ATP6V1C1: variants seen among roughly 807,000 people sequenced by gnomAD.
The protein encoded by ATP6V1C1 is ATPase H+ transporting V1 subunit C1.
In ATP6V1C1, 45 loss-of-function variants were observed where a neutral mutation model predicts 53.9. The observed-to-expected ratio is 0.83, with a 90% confidence interval of 0.66 to 1.07. The LOEUF (loss-of-function observed/expected upper bound fraction) is 1.07. Among genes scored for constraint, ATP6V1C1 ranks in the 50% least tolerant of loss-of-function variants. ATP6V1C1 has a pLI of 0.00. For synonymous variants in ATP6V1C1, 153 were observed against 155.2 expected, an observed-to-expected ratio of 0.99 and a Z score of 0.11; for missense variants, 315 against 440.3, an observed-to-expected ratio of 0.72 and a Z score of 2.55.
intron 1 of ATP6V1C1, among the ~76,000 whole-genome samples, chr8:103,039,967 G>T (rs1029285707): frequency 1.3e-5 from 2 of 151,942 alleles, no homozygotes; most frequent in Non-Finnish European, 2.9e-5. Context: ...GATTTGAGGA[G>T]ATTTCTCTAG....
chr8:103,027,499 C>T (rs1323377501), intron 1 of ATP6V1C1, among the ~76,000 whole-genome samples: 2 of 152,168 alleles, frequency 1.3e-5, no homozygotes, highest in Non-Finnish European at 2.9e-5. Context: ...AACCCCCCCT[C>T]ACCTTTTATG....
rs1817575519 is a variant in ATP6V1C1 at position 103,070,861 on chromosome 8, C to T, written c.*2114C>T. ...TCCTGGGCAGAGTGGTCTCCGAGTT[C>T]CAGTCCCTCCTCTGTAAAATGGGCA... On this transcript the variant is annotated 3_prime_UTR_variant, in exon 13 of 13. Coordinates refer to ENST00000518738, the MANE Select transcript of ATP6V1C1 (RefSeq NM_001695.5). 6.6e-6 allele frequency: 1 copy of T among 152,262 alleles called. No individual in the cohort carries two copies. Among genetic ancestry groups the T allele is most frequent in the Non-Finnish European group, 1.5e-5 (1 of 68,088 alleles). 9.4% of individuals were successfully genotyped at this position (152,262 alleles called of 1,614,324 possible). A position where few individuals can be genotyped will look rare whatever the true frequency, so the allele number is the denominator to read the frequency against.
intron 1 of ATP6V1C1, among the ~76,000 whole-genome samples, chr8:103,029,789 G>A (rs1816764503): frequency 6.6e-6 from 1 of 151,712 alleles, no homozygotes; most frequent in African/African-American, 2.4e-5. Context: ...CTGGAGTGCA[G>A]TGGCACAATC....
At chr8:103,060,519 G>C (rs747810295) in intron 8 of ATP6V1C1, among the ~76,000 whole-genome samples, 2 of 152,116 alleles carry the variant, frequency 1.3e-5, no homozygotes, top group Non-Finnish European at 2.9e-5. Context: ...GTGTATGCCT[G>C]TTTCCTTTAC....
In ATP6V1C1 at chr8:103,072,411, TATA is replaced by T. The variant is rs1455162112; in HGVS notation, c.*3667_*3669del. 2.0e-5 allele frequency: 3 copies of T among 152,206 alleles called. No homozygotes were observed. The highest frequency in any genetic ancestry group is 7.2e-5 in the African/African-American group (3 of 41,458). The allele number at this position is 152,206 out of a possible 1,614,324, so 9.4% of individuals were successfully genotyped here. On this transcript the variant is annotated 3_prime_UTR_variant, in exon 13 of 13. Transcript: ENST00000518738. Reference sequence around the variant, plus strand: ...CATATACAAATACTATAGAACAGCTTATAATGAAAACCTTGCCTGCCTTTATAA... The same window carrying T: ...CATATACAAATACTATAGAACAGCTTATGAAAACCTTGCCTGCCTTTATAA...
chr8:103,050,899 TAATA>T, intron 4 of ATP6V1C1, 147 bp from the exon 5 acceptor site: 1 of 617,282 alleles, frequency 1.6e-6, no homozygotes, highest in Non-Finnish European at 2.9e-6. Flanking sequence ...CCATGTTACT[TAATA>T]TAGTTCACAT....
At chr8:103,046,662 T>C (rs1291071863) in intron 3 of ATP6V1C1, among the ~76,000 whole-genome samples, 1 of 152,222 alleles carries the variant, frequency 6.6e-6, no homozygotes, top group Non-Finnish European at 1.5e-5. Flanking sequence ...TCCTGAATGA[T>C]AAGAGGAATT....
At chr8:103,024,873 G>A (rs1043741230) in intron 1 of ATP6V1C1, among the ~76,000 whole-genome samples, 1 of 152,074 alleles carries the variant, frequency 6.6e-6, no homozygotes, top group Non-Finnish European at 1.5e-5. Flanking sequence ...ATGTGCAAAT[G>A]TACTATGCGT....
chr8:103,056,012 G>A, intron 8 of ATP6V1C1, 76 bp downstream of exon 8: 1 of 1,406,782 alleles, frequency 7.1e-7, no homozygotes, highest in Non-Finnish European at 1.0e-6. Context: ...TAGGAAATAT[G>A]TTTGCTGTCT....
chr8:103,052,660 T>G (rs539442297), intron 5 of ATP6V1C1, 71 bp from the exon 6 acceptor site: 43 of 758,682 alleles, frequency 5.7e-5, no homozygotes, highest in Non-Finnish European at 7.8e-6. Flanking sequence ...AAAGTTTAGC[T>G]ACTTTGATAG....
At chr8:103,047,758 C>T (rs991693267) in intron 3 of ATP6V1C1, among the ~76,000 whole-genome samples, 4 of 152,192 alleles carry the variant, frequency 2.6e-5, no homozygotes, top group Non-Finnish European at 5.9e-5. Context: ...CATAATATGC[C>T]CCATGGCAAC....
Position 103,062,977 on chromosome 8 carries a change from A to C in ATP6V1C1, c.664A>C (p.Ser222Arg), listed in dbSNP as rs1301843460. The change falls in exon 9 of 13, where the codon AGT becomes CGT. Residue 222 changes from serine (S) to arginine (R), a missense_variant. Coordinates refer to ENST00000518738, the MANE Select transcript of ATP6V1C1 (RefSeq NM_001695.5). ...SSNVLSEDQD[S>R]YLCNVTLFRK... ...TAGTGTTCTTTCAGAGGACCAAGACAGTTACCTGTGTAATGTCACCTTGTT... is the reference window on the plus strand; with the variant it reads ...TAGTGTTCTTTCAGAGGACCAAGACCGTTACCTGTGTAATGTCACCTTGTT... 6.2e-7 allele frequency: 1 copy of C among 1,613,854 alleles called. No homozygotes were observed. Among genetic ancestry groups the C allele is most frequent in the East Asian group, 2.2e-5 (1 of 44,818 alleles).
chr8:103,034,964 ATG>A (rs1816866497), intron 1 of ATP6V1C1, among the ~76,000 whole-genome samples: 1 of 152,180 alleles, frequency 6.6e-6, no homozygotes, highest in African/African-American at 2.4e-5. Flanking sequence ...CAAAATACTT[ATG>A]ATGTTAACTG....
chr8:103,047,387 G>T (rs1817116389), intron 3 of ATP6V1C1, among the ~76,000 whole-genome samples: 2 of 136,280 alleles, frequency 1.5e-5, no homozygotes, highest in Admixed American at 1.6e-4. Context: ...AACATGGGCA[G>T]TAGAGTGAGA....
chr8:103,044,804 G>A (rs1397814199), intron 3 of ATP6V1C1, among the ~76,000 whole-genome samples: 1 of 151,744 alleles, frequency 6.6e-6, no homozygotes, highest in Non-Finnish European at 1.5e-5. Flanking sequence ...TTGAATCTAT[G>A]TATCAGTTGG....
At chr8:103,064,840 A>G (rs1431527296) in intron 11 of ATP6V1C1, 29 bp downstream of exon 11, 22 of 1,594,882 alleles carry the variant, frequency 1.4e-5, no homozygotes, top group Non-Finnish European at 1.8e-5. Context: ...CAAACTTGGA[A>G]CTGAAGAGTT....
intron 10 of ATP6V1C1, 33 bp from the exon 11 acceptor site, chr8:103,064,681 C>G (rs768599710): frequency 2.5e-6 from 4 of 1,584,078 alleles, no homozygotes; most frequent in Non-Finnish European, 3.4e-6. Context: ...ATTTCTAAGA[C>G]CAAATTTGTG....
At chr8:103,023,173 G>A (rs528214435) in intron 1 of ATP6V1C1, among the ~76,000 whole-genome samples, 1 of 152,160 alleles carries the variant, frequency 6.6e-6, no homozygotes, top group Non-Finnish European at 1.5e-5. Flanking sequence ...AACGGGGAGG[G>A]AGAGAGGCAG....
intron 8 of ATP6V1C1, among the ~76,000 whole-genome samples, chr8:103,059,915 C>G (rs1031241337): frequency 6.9e-6 from 1 of 145,850 alleles, no homozygotes; most frequent in Admixed American, 6.9e-5. Flanking sequence ...CCCACACACC[C>G]TCTTCTTGTA....
Sources: gnomAD v4.1 joint callset for allele counts (sites outside exome capture counted in the v4.1 genomes callset) on GRCh38, gnomAD v4.1.1 for gene constraint, MANE v1.5 for transcripts, NCBI Gene and HGNC (gene_info 2026-07-23, HGNC 2026-07-21) for gene names.